The following RCAN3 variants were observed in gnomAD, a reference collection of about 807,000 sequenced individuals.
RCAN3 encodes the protein regulator of calcineurin 3.
A neutral mutation model predicts 21.9 loss-of-function variants in RCAN3; 19 were observed. That is an observed-to-expected ratio of 0.87 (90% CI 0.61 to 1.27). The LOEUF is 1.27. Ranked by LOEUF, RCAN3 falls within the 50% of genes most tolerant of loss-of-function variation. The probability of loss-of-function intolerance (pLI) is 0.00; values close to 1 mark genes in which losing one functional copy is unlikely to be tolerated. For missense variants in RCAN3, 240 were observed against 300.1 expected (o/e 0.80, Z 1.48); for synonymous variants, 114 against 112.3 (o/e 1.01, Z -0.09).
At chr1:24,507,718 A>T (rs1341752461) in intron 1 of RCAN3, 1 of 152,224 alleles carries the variant, frequency 6.6e-6, no homozygotes, top group East Asian at 1.9e-4. Context: ...GATTTCTGGC[A>T]CGATAAATGA....
intron 2 of RCAN3, among the ~76,000 whole-genome samples, chr1:24,530,401 G>A (rs1649668417): frequency 7.0e-6 from 1 of 143,818 alleles, no homozygotes; most frequent in African/African-American, 2.6e-5. Context: ...ACAACAGCAA[G>A]GGAGAACCTC....
rs745350068 is a variant in RCAN3 at position 24,535,295 on chromosome 1, C to T, written c.*18C>T. The T allele has an allele frequency of 9.2e-6, 14 of 1,514,244 alleles. No homozygotes were observed. In the African/African-American group the frequency reaches 1.4e-4, roughly 15 times the overall value. The allele number at this position is 1,514,244 out of a possible 1,614,324, so 93.8% of individuals were successfully genotyped here. A position where few individuals can be genotyped will look rare whatever the true frequency, so the allele number is the denominator to read the frequency against. ...CGCTGTGAGGCCCTTGGTTGTGGTGCGAGGCGGCTGCCCTGGTGGGCTCTG... is the reference window on the plus strand; with the variant it reads ...CGCTGTGAGGCCCTTGGTTGTGGTGTGAGGCGGCTGCCCTGGTGGGCTCTG... On this transcript the variant is annotated 3_prime_UTR_variant, in exon 5 of 5. Coordinates refer to ENST00000374395, the MANE Select transcript of RCAN3 (RefSeq NM_013441.4).
In RCAN3 at chr1:24,527,015, T is replaced by C. The variant is rs1570474586; in HGVS notation, c.196-4203T>C. 2.0e-5 allele frequency among the ~76,000 whole-genome samples: 3 copies of C among 152,198 alleles called. No individual in the cohort carries two copies. In the East Asian group the frequency reaches 5.8e-4, roughly 29 times the overall value. ...TACTTTAAAATCCTTACTATATCTA[T>C]ATAATATTTTGTTATTTATGTATAT... On this transcript the variant is annotated intron_variant, in intron 2 of 4. Coordinates refer to ENST00000374395, the MANE Select transcript of RCAN3 (RefSeq NM_013441.4).
intron 2 of RCAN3, among the ~76,000 whole-genome samples, chr1:24,523,603 T>TACACACACACACAC (rs71577716): frequency 2.7e-4 from 38 of 140,846 alleles, no homozygotes; most frequent in African/African-American, 9.3e-4. Flanking sequence ...TTATTTCTAA[T>TACACACACACACAC]ACACACACAC....
rs115839163 is a variant in RCAN3, at chr1:24,517,426, T to C, written c.195+2859T>C. Among the ~76,000 whole-genome samples the C allele has an allele frequency of 9.5e-3, 1,440 of 152,298 alleles. 9 individuals carry two copies. The highest frequency in any genetic ancestry group is 0.015 in the Non-Finnish European group (1,052 of 68,026). On this transcript the variant is annotated intron_variant, in intron 2 of 4. Transcript: ENST00000374395. The stretch of plus-strand genomic sequence containing the variant: ...GCCACCGTATCCGGCCAATCTTTTC[T>C]ATTTCAACCTTTTCTTTTTAACTGT...
rs137925231 is a variant in RCAN3, at chr1:24,508,483, C to T, written c.-60+5333C>T. Among the ~76,000 whole-genome samples the T allele has an allele frequency of 7.7e-3, 1,168 of 151,946 alleles. 11 individuals carry two copies. Among genetic ancestry groups the T allele is most frequent in the Middle Eastern group, 0.041 (12 of 294 alleles). ...AAATACTCCAGTGTGGATAAAGTCA[C>T]GCAGGAGAGAAAGATGAAAAAAGGA... On this transcript the variant is annotated intron_variant, in intron 1 of 4. Transcript: ENST00000374395.
chr1:24,515,160 A>G (rs1357834812), intron 2 of RCAN3, among the ~76,000 whole-genome samples: 1 of 152,124 alleles, frequency 6.6e-6, no homozygotes, highest in Non-Finnish European at 1.5e-5. Context: ...TCACTTATTT[A>G]TTCACTTATT....
intron 2 of RCAN3, among the ~76,000 whole-genome samples, chr1:24,527,078 T>A (rs1023747754): frequency 6.6e-6 from 1 of 152,226 alleles, no homozygotes; most frequent in African/African-American, 2.4e-5. Flanking sequence ...GTTACTCAGG[T>A]TGGAGTGCAG....
Position 24,525,129 on chromosome 1 carries a change from A to G in RCAN3, c.196-6089A>G, listed in dbSNP as rs1649159324. ...AGAGTGGAGCCATGGTGGATCCAGA[A>G]AGGTCAGGAAATACACACTTGGCTG... On this transcript the variant is annotated intron_variant, in intron 2 of 4. Coordinates refer to ENST00000374395, the MANE Select transcript of RCAN3 (RefSeq NM_013441.4). This position sits in a 1 kb window ranked among gnomAD's most constrained non-coding sequence, Gnocchi z 4.1. Among the ~76,000 whole-genome samples, 1 of 152,094 alleles carries G rather than the reference A, an allele frequency of 6.6e-6. No individual in the cohort carries two copies. Among genetic ancestry groups the G allele is most frequent in the Non-Finnish European group, 1.5e-5 (1 of 68,024 alleles).
intron 2 of RCAN3, among the ~76,000 whole-genome samples, chr1:24,526,362 C>T (rs1649267361): frequency 6.6e-6 from 1 of 151,878 alleles, no homozygotes; most frequent in African/African-American, 2.4e-5. Flanking sequence ...TGTGCCTGGC[C>T]ATTTTGTTAT....
In RCAN3 at chr1:24,511,815, C is replaced by T. The variant is rs116132704; in HGVS notation, c.-59-2499C>T. Among the ~76,000 whole-genome samples, 1,395 of 152,218 alleles carry T rather than the reference C, an allele frequency of 9.2e-3. 31 individuals carry two copies. The highest frequency in any genetic ancestry group is 0.031 in the African/African-American group (1,285 of 41,518). ...AATGCAGTGCAGTGTGATAAAGTGA[C>T]GCATGATAAAATGTGGGATGCCTGT... is the stretch of plus-strand genomic sequence containing the variant. On this transcript the variant is annotated intron_variant, in intron 1 of 4. Transcript: ENST00000374395.
At chr1:24,508,830 T>C (rs1647663527) in intron 1 of RCAN3, among the ~76,000 whole-genome samples, 1 of 152,222 alleles carries the variant, frequency 6.6e-6, no homozygotes, top group Non-Finnish European at 1.5e-5. Context: ...TAAAAAAATT[T>C]ATAGACCTTC....
rs1213564210 is a variant in RCAN3, at chr1:24,525,488, GA to G, written c.196-5729del. ...TGTAGACGTTGTGCTGCCAGAGGGG[GA>G]TACTAAGTGACTACAGAAAAAGTTA... On this transcript the variant is annotated intron_variant, in intron 2 of 4. Transcript: ENST00000374395. This position sits in a 1 kb window ranked among gnomAD's most constrained non-coding sequence, Gnocchi z 4.1. 1.3e-5 allele frequency among the ~76,000 whole-genome samples: 2 copies of G among 152,158 alleles called. No homozygotes were observed. Among genetic ancestry groups the G allele is most frequent in the Non-Finnish European group, 2.9e-5 (2 of 68,038 alleles).
chr1:24,533,033 A>G, intron 3 of RCAN3, 50 bp from the exon 4 acceptor site: 1 of 1,325,814 alleles, frequency 7.5e-7, no homozygotes, highest in South Asian at 2.5e-5. Context: ...GAAAATGAAG[A>G]AAACATAGCC....
intron 2 of RCAN3, among the ~76,000 whole-genome samples, chr1:24,528,210 CAG>C (rs2148908309): frequency 7.9e-6 from 1 of 126,338 alleles, no homozygotes; most frequent in Admixed American, 9.3e-5. Flanking sequence ...GAATTTCATT[CAG>C]GGGAGGAAAA....
chr1:24,530,540 A>G (rs557877446), intron 2 of RCAN3, among the ~76,000 whole-genome samples: 1 of 152,282 alleles, frequency 6.6e-6, no homozygotes, highest in Non-Finnish European at 1.5e-5. Context: ...TCCAGAAATG[A>G]CAACTTTGAA....
At chr1:24,508,892 G>A (rs1334891278) in intron 1 of RCAN3, among the ~76,000 whole-genome samples, 1 of 152,154 alleles carries the variant, frequency 6.6e-6, no homozygotes, top group African/African-American at 2.4e-5. Flanking sequence ...TTGGTGTGGT[G>A]GCTCACACCT....
chr1:24,527,045 T>C (rs1321101213), intron 2 of RCAN3, among the ~76,000 whole-genome samples: 1 of 152,188 alleles, frequency 6.6e-6, no homozygotes, highest in Non-Finnish European at 1.5e-5. Flanking sequence ...GTATATTACT[T>C]TTTTTTGAGA....
chr1:24,507,768 A>T (rs1236361371), intron 1 of RCAN3: 2 of 152,232 alleles, frequency 1.3e-5, no homozygotes, highest in African/African-American at 4.8e-5. Flanking sequence ...GGCCACCCAG[A>T]TAGATATATT....
Sources: gnomAD v4.1 joint callset for allele counts (sites outside exome capture counted in the v4.1 genomes callset) on GRCh38, gnomAD v4.1.1 for gene constraint, Gnocchi (gnomAD v3.1) non-coding constraint, MANE v1.5 for transcripts, NCBI Gene and HGNC (gene_info 2026-07-23, HGNC 2026-07-21) for gene names.